The following TBL1XR1 variants were observed in gnomAD, a reference collection of about 807,000 sequenced individuals.
The protein encoded by TBL1XR1 is TBL1X/Y related 1.
A neutral mutation model predicts 66.9 loss-of-function variants in TBL1XR1; 5 were observed. The observed-to-expected ratio is 0.07, with a 90% CI of 0.04 to 0.16. The LOEUF is 0.16. Ranked by LOEUF, TBL1XR1 falls within the 10% of genes least tolerant of loss-of-function variation. The pLI is 1.00. For missense variants in TBL1XR1, 238 were observed against 623.2 expected (o/e 0.38, Z 6.58); for synonymous variants, 210 against 206.0 (o/e 1.02, Z -0.17).
chr3:177,189,664 A>AAAAAAAAAAAAAAAAAAAAAAATTTC (rs57549428), intron 1 of TBL1XR1, among the ~76,000 whole-genome samples: 8 of 141,876 alleles, frequency 5.6e-5, no homozygotes, highest in African/African-American at 1.6e-4. Flanking sequence ...AAAAAAAAAA[A>AAAAAAAAAAAAAAAAAAAAAAATTTC]AGAAGGATGT....
chr3:177,176,762 C>T (rs1030970962), intron 1 of TBL1XR1, among the ~76,000 whole-genome samples: 1 of 151,984 alleles, frequency 6.6e-6, no homozygotes, highest in East Asian at 2.0e-4. Context: ...TTGCAGTGAG[C>T]CAAGATTGCG....
At chr3:177,144,736 G>C (rs1730044341) in intron 1 of TBL1XR1, among the ~76,000 whole-genome samples, 1 of 151,682 alleles carries the variant, frequency 6.6e-6, no homozygotes, top group Non-Finnish European at 1.5e-5. Flanking sequence ...CTGGGCGACA[G>C]AGGGAGACTC....
chr3:177,187,877 G>A lies in TBL1XR1; in HGVS notation c.-122+9244C>T, dbSNP rs185073416. Among the ~76,000 whole-genome samples the A allele has an allele frequency of 3.8e-3, 534 of 141,366 alleles. 2 individuals carry two copies. The highest frequency in any genetic ancestry group is 0.013 in the African/African-American group (502 of 37,964). 92.7% of individuals were successfully genotyped at this position (141,366 alleles called of 152,430 possible). On this transcript the variant is annotated intron_variant, in intron 1 of 15. Transcript: ENST00000457928. ...TTAAAAAAAAATCCACCATTTTAAG[G>A]TAATTAAAATTTTTAAACATTTAAA...
intron 1 of TBL1XR1, among the ~76,000 whole-genome samples, chr3:177,168,910 G>A (rs929098230): frequency 1.3e-5 from 2 of 152,082 alleles, no homozygotes; most frequent in Non-Finnish European, 1.5e-5. Context: ...TGGAGAGGGG[G>A]AAACAAATGT....
At chr3:177,168,122 A>G (rs1159962953) in intron 1 of TBL1XR1, among the ~76,000 whole-genome samples, 1 of 152,196 alleles carries the variant, frequency 6.6e-6, no homozygotes, top group Non-Finnish European at 1.5e-5. Context: ...ACATTAGGCC[A>G]TGTTATATAA....
In TBL1XR1 at chr3:177,090,308, TATAA is replaced by T. The variant is rs370489609; in HGVS notation, c.-46+8154_-46+8157del. On this transcript the variant is annotated intron_variant, in intron 2 of 15. Coordinates refer to ENST00000457928, the MANE Select transcript of TBL1XR1 (RefSeq NM_024665.7). ...AAGAATGTATCTCACTTTGAAGTGA[TATAA>T]ATGTTTCCTATGATTATAAAACAAA... Among the ~76,000 whole-genome samples the T allele has an allele frequency of 6.3e-3, 959 of 152,248 alleles. 9 individuals are homozygous for T. The highest frequency in any genetic ancestry group is 0.022 in the African/African-American group (925 of 41,532).
intron 12 of TBL1XR1, 134 bp downstream of exon 12, chr3:177,037,964 C>T (rs1163982824): frequency 1.5e-6 from 1 of 653,752 alleles, no homozygotes; most frequent in Non-Finnish European, 2.6e-6. Flanking sequence ...AATGGTTAGC[C>T]ATTTAAAATG....
At chr3:177,053,458 G>A (rs781447618) in intron 4 of TBL1XR1, among the ~76,000 whole-genome samples, 9 of 152,176 alleles carry the variant, frequency 5.9e-5, no homozygotes, top group Non-Finnish European at 1.0e-4. Flanking sequence ...CAAATAACGT[G>A]AGAATTTACA....
intron 1 of TBL1XR1, among the ~76,000 whole-genome samples, chr3:177,145,618 T>C (rs1730152490): frequency 6.6e-6 from 1 of 152,222 alleles, no homozygotes; most frequent in African/African-American, 2.4e-5. Flanking sequence ...ACCATGTACT[T>C]GAAAAGTGAA....
chr3:177,054,797 T>C (rs1458209681), intron 3 of TBL1XR1, among the ~76,000 whole-genome samples: 1 of 152,200 alleles, frequency 6.6e-6, no homozygotes, highest in African/African-American at 2.4e-5. Context: ...AATGATTACC[T>C]GGTTTATAGG....
intron 2 of TBL1XR1, among the ~76,000 whole-genome samples, chr3:177,082,046 G>C (rs1449010161): frequency 6.6e-6 from 1 of 152,070 alleles, no homozygotes; most frequent in Non-Finnish European, 1.5e-5. Context: ...ACACACACTT[G>C]CAATTCTACC....
chr3:177,113,025 G>A (rs1273213024), intron 1 of TBL1XR1, among the ~76,000 whole-genome samples: 2 of 142,314 alleles, frequency 1.4e-5, no homozygotes, highest in African/African-American at 5.1e-5. Flanking sequence ...ACACACACAC[G>A]GAATAGAATA....
intron 1 of TBL1XR1, among the ~76,000 whole-genome samples, chr3:177,104,864 A>C (rs2108689745): frequency 6.6e-6 from 1 of 152,352 alleles, no homozygotes; most frequent in East Asian, 1.9e-4. Flanking sequence ...ATAAAACAAA[A>C]AACTCTCAAG....
chr3:177,161,380 C>G (rs1732192726), intron 1 of TBL1XR1, among the ~76,000 whole-genome samples: 2 of 152,212 alleles, frequency 1.3e-5, no homozygotes. Flanking sequence ...ACACATATCT[C>G]ACATTTTTAT....
At chr3:177,067,167 G>A (rs1431761114) in intron 2 of TBL1XR1, among the ~76,000 whole-genome samples, 2 of 152,168 alleles carry the variant, frequency 1.3e-5, no homozygotes, top group East Asian at 1.9e-4. Context: ...TAAATTGAAT[G>A]ACTTTAAAAA....
At chr3:177,165,247 A>C (rs79317413) in intron 1 of TBL1XR1, among the ~76,000 whole-genome samples, 4,111 of 152,284 alleles carry the variant, frequency 0.027, 177 homozygotes, top group African/African-American at 0.093. Flanking sequence ...TCGCTTCCCA[A>C]TTTGAAGTGA....
chr3:177,076,298 T>C (rs545314089), intron 2 of TBL1XR1, among the ~76,000 whole-genome samples: 14 of 152,234 alleles, frequency 9.2e-5, no homozygotes, highest in South Asian at 2.1e-4. Flanking sequence ...ATTCGGACCA[T>C]AGAGCTTGGC....
chr3:177,197,625 GGCGGGCGA>G (rs1216267600), upstream of TBL1XR1, among the ~76,000 whole-genome samples: 4 of 138,698 alleles, frequency 2.9e-5, no homozygotes, highest in South Asian at 6.6e-4. Flanking sequence ...GCGCCGGGCG[GGCGGGCGA>G]GCGGGCGGGC....
At chr3:177,083,259 A>G (rs1209919676) in intron 2 of TBL1XR1, among the ~76,000 whole-genome samples, 1 of 152,172 alleles carries the variant, frequency 6.6e-6, no homozygotes, top group African/African-American at 2.4e-5. Context: ...ATCTCCCATT[A>G]ATCATACTTG....
Sources: allele counts gnomAD v4.1 joint callset (sites outside exome capture counted in the v4.1 genomes callset), GRCh38; gene constraint gnomAD v4.1.1; transcripts MANE v1.5; gene names NCBI Gene and HGNC (gene_info 2026-07-23, HGNC 2026-07-21).